Variants in CRADD observed in about 807,000 individuals in gnomAD.
CRADD encodes CARD and death domain containing adaptor protein, also known as death domain-containing protein CRADD.
A neutral mutation model predicts 15.5 loss-of-function variants in CRADD; 9 were observed. The observed-to-expected ratio is 0.58, with a 90% CI of 0.35 to 1.01. The LOEUF (loss-of-function observed/expected upper bound fraction) is 1.01. Ranked by LOEUF, CRADD falls within the 50% of genes least tolerant of loss-of-function variation. The probability of loss-of-function intolerance (pLI) is 0.02; values close to 1 mark genes in which losing one functional copy is unlikely to be tolerated. For synonymous variants in CRADD, 118 were observed against 107.6 expected (o/e 1.10, Z -0.60); for missense variants, 227 against 250.3 (o/e 0.91, Z 0.63).
At chr12:93,738,409 A>G (rs1183856665) in intron 2 of CRADD, 1 of 702,220 alleles carries the variant, frequency 1.4e-6, no homozygotes, top group East Asian at 2.7e-5. Context: ...TGCAGTTGCC[A>G]TCATCAGGCT....
intron 2 of CRADD, among the ~76,000 whole-genome samples, chr12:93,710,419 C>T (rs1395643587): frequency 2.0e-5 from 3 of 146,894 alleles, no homozygotes; most frequent in African/African-American, 7.5e-5. Flanking sequence ...AATCTTGGCT[C>T]ACTGCAACCT....
intron 2 of CRADD, among the ~76,000 whole-genome samples, chr12:93,819,676 C>A (rs79484751): frequency 0.04 from 6,129 of 152,278 alleles, 426 homozygotes; most frequent in African/African-American, 0.14. Context: ...CAGAACAATG[C>A]CTGTTAGGGC....
chr12:93,736,404 GACC>G (rs376497211), intron 2 of CRADD, among the ~76,000 whole-genome samples: 7 of 152,226 alleles, frequency 4.6e-5, no homozygotes, highest in African/African-American at 1.4e-4. Context: ...TTTCTGTGCT[GACC>G]ACCATCATTT....
Position 93,797,931 on chromosome 12 carries a change from G to A in CRADD, c.299-52039G>A, listed in dbSNP as rs574106207. Among the ~76,000 whole-genome samples the A allele has an allele frequency of 1.3e-3, 199 of 152,276 alleles. 1 individual carries two copies. The highest frequency in any genetic ancestry group is 4.3e-3 in the African/African-American group (179 of 41,560). ...GAGCCTGCAGTCCCAGCACCCTATTGAATCAACTGTTTCTGTTTTTCCATT... is the reference window on the plus strand; with the variant it reads ...GAGCCTGCAGTCCCAGCACCCTATTAAATCAACTGTTTCTGTTTTTCCATT... On this transcript the variant is annotated intron_variant, in intron 2 of 2. Coordinates refer to ENST00000332896, the MANE Select transcript of CRADD (RefSeq NM_003805.5).
intron 2 of CRADD, among the ~76,000 whole-genome samples, chr12:93,888,286 A>G (rs181761202): frequency 1.3e-5 from 2 of 152,096 alleles, no homozygotes; most frequent in Admixed American, 6.6e-5. Flanking sequence ...ATTAGCGGGC[A>G]TGGTGGTGGG....
intron 2 of CRADD, among the ~76,000 whole-genome samples, chr12:93,881,555 C>T (rs1304516426): frequency 1.3e-5 from 2 of 151,898 alleles, no homozygotes; most frequent in African/African-American, 2.4e-5. Flanking sequence ...GAGGGATGAA[C>T]GTTTTCAAAA....
At chr12:93,894,147 C>T (rs779540862) in exon 3 of CRADD, 2 of 702,404 alleles carry the variant, frequency 2.8e-6, no homozygotes, top group South Asian at 1.5e-5. Flanking sequence ...TGCCATCACC[C>T]CAGACCCTAC....
At chr12:93,801,701 TA>T (rs1200741716) in intron 2 of CRADD, among the ~76,000 whole-genome samples, 23 of 152,176 alleles carry the variant, frequency 1.5e-4, no homozygotes, top group Admixed American at 2.0e-4. Context: ...GCCTGGCCTT[TA>T]AAAAATGTTT....
At chr12:93,780,976 G>C (rs1322885260) in intron 2 of CRADD, among the ~76,000 whole-genome samples, 1 of 149,162 alleles carries the variant, frequency 6.7e-6, no homozygotes, top group Non-Finnish European at 1.5e-5. Context: ...GGCTGGTCTC[G>C]AACTCCTGAC....
chr12:93,877,739 T>G (rs1359048960), intron 2 of CRADD, among the ~76,000 whole-genome samples: 4 of 152,090 alleles, frequency 2.6e-5, no homozygotes, highest in Non-Finnish European at 5.9e-5. Flanking sequence ...GATTCACTCT[T>G]TAGGGCCATG....
intron 2 of CRADD, among the ~76,000 whole-genome samples, chr12:93,701,337 G>T (rs1955841629): frequency 7.9e-6 from 1 of 127,104 alleles, no homozygotes; most frequent in Non-Finnish European, 1.6e-5. Flanking sequence ...CACACAATCT[G>T]TAAGTAGTCT....
chr12:93,740,094 G>A (rs1452376070), intron 2 of CRADD, among the ~76,000 whole-genome samples: 1 of 151,992 alleles, frequency 6.6e-6, no homozygotes, highest in Non-Finnish European at 1.5e-5. Context: ...AAAATATATA[G>A]AAGTAAAAAT....
intron 2 of CRADD, among the ~76,000 whole-genome samples, chr12:93,780,836 G>A (rs1957200146): frequency 8.2e-6 from 1 of 121,920 alleles, no homozygotes; most frequent in South Asian, 3.2e-4. Context: ...TGCCTCCTAG[G>A]TTCAAGTGAT....
rs1477677074 is a variant in CRADD, at chr12:93,678,761, C to T, written c.-6-8C>T. The T allele has an allele frequency of 1.2e-6, 2 of 1,604,570 alleles. No homozygotes were observed. The highest frequency in any genetic ancestry group is 1.7e-6 in the Non-Finnish European group (2 of 1,174,724). Reference sequence around the variant, plus strand: ...TGTAATTTGAGCTGTGATTTTGGCTCTTTCCAGGGAGAAATGGAGGCCAGA... The same window carrying T: ...TGTAATTTGAGCTGTGATTTTGGCTTTTTCCAGGGAGAAATGGAGGCCAGA... On this transcript the variant is annotated splice_region_variant and splice_polypyrimidine_tract_variant and intron_variant, in intron 1 of 2. Coordinates refer to ENST00000332896, the MANE Select transcript of CRADD (RefSeq NM_003805.5).
At chr12:93,894,802 C>G (rs1245942344), downstream of CRADD, 1 of 152,486 alleles carries the variant, frequency 6.6e-6, no homozygotes, top group Non-Finnish European at 1.5e-5. Flanking sequence ...GCTGAGCACT[C>G]GGTCTCCCCT....
chr12:93,704,332 A>G (rs761588672), intron 2 of CRADD, among the ~76,000 whole-genome samples: 11 of 152,200 alleles, frequency 7.2e-5, no homozygotes, highest in Admixed American at 2.6e-4. Context: ...GAAATGAGTG[A>G]GCTAAATGAA....
chr12:93,749,300 T>C (rs983079289), intron 2 of CRADD, among the ~76,000 whole-genome samples: 2 of 152,186 alleles, frequency 1.3e-5, no homozygotes, highest in African/African-American at 4.8e-5. Flanking sequence ...TTCTGGGACC[T>C]GCCAGAAAGT....
At chr12:93,800,196 G>T (rs1957461899) in intron 2 of CRADD, among the ~76,000 whole-genome samples, 1 of 152,170 alleles carries the variant, frequency 6.6e-6, no homozygotes, top group African/African-American at 2.4e-5. Context: ...CAGTATGTGT[G>T]TGTGTCGGGG....
At chr12:93,865,567 T>C (rs569620880) in intron 2 of CRADD, among the ~76,000 whole-genome samples, 1 of 152,206 alleles carries the variant, frequency 6.6e-6, no homozygotes, top group Middle Eastern at 3.4e-3. Context: ...TACAGGCACA[T>C]GCCACCATGC....
Sources: allele counts gnomAD v4.1 joint callset (sites outside exome capture counted in the v4.1 genomes callset), GRCh38; gene constraint gnomAD v4.1.1; transcripts MANE v1.5; gene names NCBI Gene and HGNC (gene_info 2026-07-23, HGNC 2026-07-21).